Variants in CYTH3 observed in about 807,000 individuals in gnomAD.
The protein encoded by CYTH3 is cytohesin-3.
A neutral mutation model predicts 55.1 loss-of-function variants in CYTH3; 23 were observed. The observed-to-expected ratio is 0.42, with a 90% CI of 0.30 to 0.59. The LOEUF (loss-of-function observed/expected upper bound fraction) is 0.59, where lower values mean the gene tolerates loss of function less well. CYTH3 is among the 20% of genes least tolerant of loss of function. The pLI, the probability that CYTH3 is intolerant of heterozygous loss-of-function variation, is 0.20. For missense variants in CYTH3, 413 were observed against 524.8 expected (o/e 0.79, Z 2.08); for synonymous variants, 249 against 194.9 (o/e 1.28, Z -2.31).
chr7:6,257,150 G>A (rs1022280763), intron 1 of CYTH3, among the ~76,000 whole-genome samples: 1 of 152,062 alleles, frequency 6.6e-6, no homozygotes, highest in Middle Eastern at 3.4e-3. Context: ...ATTTATTCTC[G>A]AAATGTGTCA....
At chr7:6,216,271 G>A (rs1327233271) in intron 1 of CYTH3, among the ~76,000 whole-genome samples, 1 of 152,082 alleles carries the variant, frequency 6.6e-6, no homozygotes, top group Non-Finnish European at 1.5e-5. Flanking sequence ...AGACAGTGAG[G>A]GACACAGAGG....
intron 1 of CYTH3, chr7:6,212,585 T>C (rs1178850405): frequency 2.0e-5 from 3 of 152,192 alleles, no homozygotes; most frequent in African/African-American, 7.2e-5. Flanking sequence ...GGTTCACCCA[T>C]GTTGTGGCAT....
intron 2 of CYTH3, among the ~76,000 whole-genome samples, chr7:6,188,165 A>C (rs1326499835): frequency 1.3e-5 from 2 of 152,058 alleles, no homozygotes; most frequent in African/African-American, 4.8e-5. Flanking sequence ...CATTGCTACA[A>C]AAAAGAAAAA....
At chr7:6,210,602 C>T (rs1784300076) in intron 1 of CYTH3, among the ~76,000 whole-genome samples, 1 of 152,188 alleles carries the variant, frequency 6.6e-6, no homozygotes, top group African/African-American at 2.4e-5. Context: ...ATAGGTGGAA[C>T]TTTGGCTAAA....
At chr7:6,191,941 T>C (rs1338796548) in intron 1 of CYTH3, among the ~76,000 whole-genome samples, 1 of 151,548 alleles carries the variant, frequency 6.6e-6, no homozygotes, top group African/African-American at 2.4e-5. Context: ...TAGCCAGGCA[T>C]GGTGGTGCAT....
chr7:6,183,016 C>T (rs752893988), intron 4 of CYTH3, among the ~76,000 whole-genome samples: 1 of 152,260 alleles, frequency 6.6e-6, no homozygotes, highest in Non-Finnish European at 1.5e-5. Context: ...GGAAGAGGAG[C>T]AGGTCAGGCA....
intron 1 of CYTH3, among the ~76,000 whole-genome samples, chr7:6,243,476 A>G (rs1394184553): frequency 6.6e-6 from 1 of 152,248 alleles, no homozygotes; most frequent in African/African-American, 2.4e-5. Context: ...TTGAACCTCC[A>G]GAAAGCTCTG....
intron 1 of CYTH3, among the ~76,000 whole-genome samples, chr7:6,207,251 A>G (rs962846221): frequency 9.2e-5 from 14 of 151,520 alleles, no homozygotes; most frequent in African/African-American, 2.7e-4. Context: ...CCTGCCACCA[A>G]GCCCAGCTAA....
intron 1 of CYTH3, among the ~76,000 whole-genome samples, chr7:6,196,217 C>T (rs970534732): frequency 6.6e-6 from 1 of 151,874 alleles, no homozygotes; most frequent in Admixed American, 6.6e-5. Flanking sequence ...CTAAAGAGCA[C>T]GAGTGGAATG....
At chr7:6,173,839 C>A (rs779747251) in intron 5 of CYTH3, 106 bp from the exon 6 acceptor site, 3 of 722,628 alleles carry the variant, frequency 4.2e-6, no homozygotes, top group Non-Finnish European at 7.5e-6. Flanking sequence ...GCACAAGTTT[C>A]TGCATGGCCA....
At chr7:6,165,891 A>T (rs1782986237) in intron 9 of CYTH3, 81 bp from the exon 10 acceptor site, 49 of 1,400,842 alleles carry the variant, frequency 3.5e-5, no homozygotes, top group Non-Finnish European at 4.0e-6. Context: ...GGACCTGCAC[A>T]GACCACTGCG....
intron 1 of CYTH3, among the ~76,000 whole-genome samples, chr7:6,214,009 A>G (rs1458210437): frequency 6.6e-6 from 1 of 152,182 alleles, no homozygotes; most frequent in African/African-American, 2.4e-5. Flanking sequence ...ACCTTGTAAG[A>G]GGAACTAGAG....
At chr7:6,233,696 A>G (rs1779444097) in intron 1 of CYTH3, among the ~76,000 whole-genome samples, 1 of 151,626 alleles carries the variant, frequency 6.6e-6, no homozygotes, top group Non-Finnish European at 1.5e-5. Flanking sequence ...GTGTCTCTTC[A>G]TCTCAGTCCC....
At position 6,204,780 on chromosome 7, in the gene CYTH3, T is replaced by C. The variant is rs1388560593; in HGVS notation, c.35-14249A>G. On this transcript the variant is annotated intron_variant, in intron 1 of 12. Transcript: ENST00000350796. The stretch of plus-strand genomic sequence containing the variant: ...TGCTCAAAATACTTAGAGTGCTCTA[T>C]GTTTCCTGTATCGAACTATAACAAA... 5.3e-5 allele frequency among the ~76,000 whole-genome samples: 8 copies of C among 152,360 alleles called. No homozygotes were observed. In the South Asian group the frequency reaches 8.3e-4, roughly 16 times the overall value.
intron 1 of CYTH3, among the ~76,000 whole-genome samples, chr7:6,256,473 C>A (rs1297382215): frequency 2.6e-5 from 4 of 152,196 alleles, no homozygotes; most frequent in Non-Finnish European, 5.9e-5. Context: ...AACAAGACTT[C>A]TGAAGTAGAT....
chr7:6,235,205 G>A (rs1779488294), intron 1 of CYTH3, among the ~76,000 whole-genome samples: 1 of 152,214 alleles, frequency 6.6e-6, no homozygotes, highest in Non-Finnish European at 1.5e-5. Context: ...GCCAGGCGTA[G>A]TGGCTCACGC....
chr7:6,256,594 G>GA (rs1309734968), intron 1 of CYTH3, among the ~76,000 whole-genome samples: 1 of 152,178 alleles, frequency 6.6e-6, no homozygotes, highest in African/African-American at 2.4e-5. Context: ...CCTCTCCTGA[G>GA]AAGGAAAAAG....
chr7:6,202,162 A>G (rs998226501), intron 1 of CYTH3, among the ~76,000 whole-genome samples: 1 of 152,204 alleles, frequency 6.6e-6, no homozygotes, highest in African/African-American at 2.4e-5. Flanking sequence ...CCAGGCCTCA[A>G]GGTCTTGTCC....
At chr7:6,192,380 G>A (rs1253899408) in intron 1 of CYTH3, among the ~76,000 whole-genome samples, 1 of 150,900 alleles carries the variant, frequency 6.6e-6, no homozygotes, top group East Asian at 2.0e-4. Context: ...ACCATGTCTG[G>A]CTAATTTTTT....
Sources: gnomAD v4.1 joint callset for allele counts (sites outside exome capture counted in the v4.1 genomes callset) on GRCh38, gnomAD v4.1.1 for gene constraint, MANE v1.5 for transcripts, NCBI Gene and HGNC (gene_info 2026-07-23, HGNC 2026-07-21) for gene names.